Variants in SLC26A1 observed in about 807,000 individuals in gnomAD.
SLC26A1 encodes the protein sulfate anion transporter 1.
A neutral mutation model predicts 14.5 loss-of-function variants in SLC26A1; 18 were observed. The observed-to-expected ratio is 1.24, with a 90% confidence interval of 0.86 to 1.84. The LOEUF (loss-of-function observed/expected upper bound fraction) is 1.84. Among genes scored for constraint, SLC26A1 ranks in the 40% most tolerant of loss-of-function variants. The pLI is 0.00. For missense variants in SLC26A1, 1,049 were observed against 1,020.0 expected, an observed-to-expected ratio of 1.03 and a Z score of -0.39; for synonymous variants, 505 against 492.0, an observed-to-expected ratio of 1.03 and a Z score of -0.35.
Position 990,126 on chromosome 4 carries a change from C to T in SLC26A1, c.813G>A (p.Leu271=), listed in dbSNP as rs750920070. 4 of 1,576,682 alleles carry T rather than the reference C, an allele frequency of 2.5e-6. No individual in the cohort carries two copies. Among genetic ancestry groups the T allele is most frequent in the Non-Finnish European group, 3.4e-6 (4 of 1,162,806 alleles). The change falls in exon 3 of 3, where the codon CTG becomes CTA. Residue 271 remains leucine, a synonymous_variant. Transcript: ENST00000398516. The stretch of plus-strand genomic sequence containing the variant: ...GCTCCTTCGCGGCTAGCAGCACCGC[C>T]AGGCACACCGTGCTGGTGACCACGT... ...VCDVVTSTVC[L]AVLLAAKELS...
chr4:983,168 A>G (rs555549963), downstream of SLC26A1, among the ~76,000 whole-genome samples: 53 of 152,326 alleles, frequency 3.5e-4, no homozygotes, highest in African/African-American at 1.2e-3. Flanking sequence ...TGCGGTTACG[A>G]TTCATTAGGT....
At chr4:987,183 T>C, downstream of SLC26A1, 1 of 1,473,436 alleles carries the variant, frequency 6.8e-7, no homozygotes. Flanking sequence ...ACCTGGTGCA[T>C]GTGGACGCGG....
downstream of SLC26A1, among the ~76,000 whole-genome samples, chr4:983,106 G>A (rs1363916744): frequency 6.6e-6 from 1 of 152,252 alleles, no homozygotes; most frequent in Non-Finnish European, 1.5e-5. Context: ...CACTCTTGCT[G>A]TAAATCCTAA....
Position 988,166 on chromosome 4 carries a change from T to C in SLC26A1, c.*667A>G. On this transcript the variant is annotated 3_prime_UTR_variant, in exon 3 of 3. Transcript: ENST00000398516. ...ACGGTGGGCTTCCTGCAGGTCTCCC[T>C]GCAGGCTCAGGGTTGGCTGCGCCGC... 1 of 1,393,404 alleles carries C rather than the reference T, an allele frequency of 7.2e-7. No homozygotes were observed. Among genetic ancestry groups the C allele is most frequent in the Non-Finnish European group, 9.3e-7 (1 of 1,074,928 alleles). 86.3% of individuals were successfully genotyped at this position (1,393,404 alleles called of 1,614,324 possible).
chr4:989,053 G>T lies in SLC26A1; in HGVS notation c.1886C>A (p.Thr629Lys). 1 of 1,585,308 alleles carries T rather than the reference G, an allele frequency of 6.3e-7. No individual in the cohort carries two copies. Among genetic ancestry groups the T allele is most frequent in the Non-Finnish European group, 8.6e-7 (1 of 1,166,454 alleles). ...LLFLDAAGVS[T>K]LQDLRRDYGA... is the part of the protein sequence containing the mutation. ...GTAGTCTCGGCGCAGGTCCTGCAGC[G>T]TGCTCACACCGGCTGCGTCTAGGAA... is the stretch of plus-strand genomic sequence containing the variant. The change falls in exon 3 of 3, where the codon ACG becomes AAG. Residue 629 changes from threonine to lysine, a missense_variant. Thr to Lys is a moderately conservative substitution (Grantham distance 78, BLOSUM62 -1). Coordinates refer to ENST00000398516, the MANE Select transcript of SLC26A1 (RefSeq NM_022042.4).
intron 2 of SLC26A1, among the ~76,000 whole-genome samples, chr4:980,620 T>C (rs1337662231): frequency 7.0e-6 from 1 of 143,134 alleles, no homozygotes; most frequent in Non-Finnish European, 1.5e-5. Context: ...GTTAATACAA[T>C]CAGGATGGAC....
At chr4:980,670 T>C (rs1296794296) in intron 2 of SLC26A1, among the ~76,000 whole-genome samples, 1 of 149,954 alleles carries the variant, frequency 6.7e-6, no homozygotes. Flanking sequence ...CCTTGAGATA[T>C]AAGCCAGATT....
chr4:988,275 C>G lies in SLC26A1; in HGVS notation c.*558G>C. 8.4e-7 allele frequency: 1 copy of G among 1,197,150 alleles called. No individual in the cohort carries two copies. 74.2% of individuals were successfully genotyped at this position (1,197,150 alleles called of 1,614,324 possible). Reference sequence around the variant, plus strand: ...AGGGCCACTGCACCTGAGGGCTGAGCTGAGGTCTCATCGGTCACAGCACCC... The same window carrying G: ...AGGGCCACTGCACCTGAGGGCTGAGGTGAGGTCTCATCGGTCACAGCACCC... On this transcript the variant is annotated 3_prime_UTR_variant, in exon 3 of 3. Coordinates refer to ENST00000398516, the MANE Select transcript of SLC26A1 (RefSeq NM_022042.4).
chr4:990,903 G>A (rs967849900), intron 2 of SLC26A1: 46 of 532,398 alleles, frequency 8.6e-5, no homozygotes, highest in Non-Finnish European at 7.5e-5. Context: ...ATGGCCCACC[G>A]GACTGGCTCC....
At position 989,740 on chromosome 4, in the gene SLC26A1, G is replaced by T. The variant is rs1328872435; in HGVS notation, c.1199C>A (p.Ala400Asp). The T allele has an allele frequency of 6.4e-7, 1 of 1,557,014 alleles. No homozygotes were observed. The highest frequency in any genetic ancestry group is 8.7e-7 in the Non-Finnish European group (1 of 1,150,898). Residue 400 changes from alanine to aspartate, a missense_variant, in exon 3 of 3, where the codon GCC (alanine) becomes GAC (aspartate). By Grantham distance (126) the Ala-to-Asp change is moderately radical. Transcript: ENST00000398516. ...LHCFATSAAL[A>D]KSLVKTATGC... ...AGTGGCTGTCTTCACCAGGCTCTTG[G>T]CCAGGGCGGCGCTGGTGGCGAAGCA...
At chr4:985,896 C>T (rs780161147), downstream of SLC26A1, among the ~76,000 whole-genome samples, 3 of 152,060 alleles carry the variant, frequency 2.0e-5, no homozygotes, top group Non-Finnish European at 4.4e-5. Context: ...CCAGTATTTT[C>T]GTTTTGTTAG....
downstream of SLC26A1, among the ~76,000 whole-genome samples, chr4:983,368 T>A (rs1713603532): frequency 6.6e-6 from 1 of 152,184 alleles, no homozygotes; most frequent in African/African-American, 2.4e-5. Flanking sequence ...CTCTAATAAC[T>A]TTTCTCTGTC....
Position 991,524 on chromosome 4 carries a change from CAGCCAGCGCGTGGCGGGGAGCAG to C in SLC26A1, c.157_179del (p.Leu53AlafsTer87). The C allele has an allele frequency of 6.2e-7, 1 of 1,607,508 alleles. No individual in the cohort carries two copies. Among genetic ancestry groups the C allele is most frequent in the Non-Finnish European group, 8.5e-7 (1 of 1,176,546 alleles). On this transcript the variant is annotated frameshift_variant, in exon 2 of 3. Transcript: ENST00000398516. LOFTEE classifies it high-confidence loss of function. Reference sequence around the variant, plus strand: ...GGTACTCCCGCGGGCGGTACTGACGCAGCCAGCGCGTGGCGGGGAGCAGGTCCTGCACCAGCGCCCGGACGCAC... The same window carrying C: ...GGTACTCCCGCGGGCGGTACTGACGCGTCCTGCACCAGCGCCCGGACGCAC...
At chr4:979,649 G>C in intron 2 of SLC26A1, 2 of 1,023,984 alleles carry the variant, frequency 2.0e-6, no homozygotes, top group East Asian at 2.5e-5. Flanking sequence ...GGCGGGGTGG[G>C]AGCCCTTGTG....
Position 988,158 on chromosome 4 carries a change from G to A in SLC26A1, c.*675C>T, listed in dbSNP as rs969123791. The A allele has an allele frequency of 4.3e-6, 6 of 1,399,278 alleles. 1 individual carries two copies. The highest frequency in any genetic ancestry group is 1.5e-5 in the African/African-American group (1 of 68,886). 86.7% of individuals were successfully genotyped at this position (1,399,278 alleles called of 1,614,324 possible). A position where few individuals can be genotyped will look rare whatever the true frequency, so the allele number is the denominator to read the frequency against. Reference sequence around the variant, plus strand: ...CATGGGGCACGGTGGGCTTCCTGCAGGTCTCCCTGCAGGCTCAGGGTTGGC... The same window carrying A: ...CATGGGGCACGGTGGGCTTCCTGCAAGTCTCCCTGCAGGCTCAGGGTTGGC... On this transcript the variant is annotated 3_prime_UTR_variant, in exon 3 of 3. Transcript: ENST00000398516.
intron 2 of SLC26A1, among the ~76,000 whole-genome samples, chr4:982,588 C>A (rs894931519): frequency 2.0e-5 from 3 of 152,230 alleles, no homozygotes; most frequent in African/African-American, 7.2e-5. Flanking sequence ...TGGTCTCAGC[C>A]CTGAGGGCCT....
At position 987,854 on chromosome 4, in the gene SLC26A1, G is replaced by A. The variant is rs1194221175; in HGVS notation, c.*979C>T. ...AGGCTGACCAGTACGTCCTCAGCTG[G>A]GACCAGCAGCTCAACCTCGCCTATG... On this transcript the variant is annotated 3_prime_UTR_variant, in exon 3 of 3. Transcript: ENST00000398516. 6.2e-7 allele frequency: 1 copy of A among 1,612,470 alleles called. No homozygotes were observed. The highest frequency in any genetic ancestry group is 8.5e-7 in the Non-Finnish European group (1 of 1,179,866).
In SLC26A1 at chr4:988,033, AC is replaced by A; in HGVS notation, c.*799del. On this transcript the variant is annotated 3_prime_UTR_variant, in exon 3 of 3. Coordinates refer to ENST00000398516, the MANE Select transcript of SLC26A1 (RefSeq NM_022042.4). ...GGGAGGGCTGGGGGCTGCTCGGAAG[AC>A]CCCTTGTTCCCCCACCTCCCGCCGA... The A allele has an allele frequency of 6.7e-7, 1 of 1,489,082 alleles. No individual in the cohort carries two copies. Among genetic ancestry groups the A allele is most frequent in the Non-Finnish European group, 9.0e-7 (1 of 1,115,350 alleles). 92.2% of individuals were successfully genotyped at this position (1,489,082 alleles called of 1,614,324 possible). A position where few individuals can be genotyped will look rare whatever the true frequency, so the allele number is the denominator to read the frequency against.
In SLC26A1 at chr4:988,757, G is replaced by T; in HGVS notation, c.*76C>A. 6.9e-7 allele frequency: 1 copy of T among 1,450,026 alleles called. No individual in the cohort carries two copies. The allele number at this position is 1,450,026 out of a possible 1,614,324, so 89.8% of individuals were successfully genotyped here. ...CTTGGGTGGCTCCTCCCTGGGAAGG[G>T]TCTCAGCAGTGGCTTGCAGACGTCT... On this transcript the variant is annotated 3_prime_UTR_variant, in exon 3 of 3. Transcript: ENST00000398516.
Sources: gnomAD v4.1 joint callset for allele counts (sites outside exome capture counted in the v4.1 genomes callset) on GRCh38, gnomAD v4.1.1 for gene constraint, MANE v1.5 for transcripts, NCBI Gene and HGNC (gene_info 2026-07-23, HGNC 2026-07-21) for gene names.